The following SLC14A2 variants were observed in gnomAD, a reference collection of about 807,000 sequenced individuals.
SLC14A2 encodes the protein urea transporter 2.
In SLC14A2, 91 loss-of-function variants were observed where a neutral mutation model predicts 104.6. The ratio of observed to expected loss-of-function variants is 0.87; its 90% CI spans 0.73 to 1.04. The LOEUF (loss-of-function observed/expected upper bound fraction) is 1.04. Among genes scored for constraint, SLC14A2 ranks in the 50% least tolerant of loss-of-function variants. The probability of loss-of-function intolerance (pLI) is 0.00; values close to 1 mark genes in which losing one functional copy is unlikely to be tolerated. For missense variants in SLC14A2, 1,189 were observed against 1,156.0 expected, an observed-to-expected ratio of 1.03 and a Z score of -0.41; for synonymous variants, 476 against 466.4, an observed-to-expected ratio of 1.02 and a Z score of -0.27.
At chr18:45,214,046 A>AAG (rs2083985791) in intron 1 of SLC14A2, among the ~76,000 whole-genome samples, 1 of 152,232 alleles carries the variant, frequency 6.6e-6, no homozygotes, top group East Asian at 1.9e-4. Flanking sequence ...AAGGGTATGC[A>AAG]AGAGTGACAG....
At chr18:45,476,843 G>A (rs1446706899) in intron 1 of SLC14A2, among the ~76,000 whole-genome samples, 1 of 142,334 alleles carries the variant, frequency 7.0e-6, no homozygotes, top group South Asian at 2.3e-4. Flanking sequence ...GGTCATTGAT[G>A]TTCTTCTCTA....
chr18:45,243,933 T>C (rs2084343164), intron 1 of SLC14A2, among the ~76,000 whole-genome samples: 1 of 152,196 alleles, frequency 6.6e-6, no homozygotes, highest in South Asian at 2.1e-4. Context: ...CCAATCTGAT[T>C]GGCACAAGAG....
At chr18:45,199,219 T>G in the SLC14A2 span, among the ~76,000 whole-genome samples, 7 of 152,314 alleles carry the variant, frequency 4.6e-5, no homozygotes, top group South Asian at 1.5e-3. Flanking sequence ...GGGTTTATTT[T>G]TATTCCTTCT....
intron 1 of SLC14A2, among the ~76,000 whole-genome samples, chr18:45,216,088 A>T (rs886385620): frequency 6.6e-6 from 1 of 152,222 alleles, no homozygotes; most frequent in African/African-American, 2.4e-5. Context: ...AGAAAATAAA[A>T]GAATAAACTT....
chr18:45,625,367 G>T (rs1251536284), intron 2 of SLC14A2, among the ~76,000 whole-genome samples: 1 of 152,144 alleles, frequency 6.6e-6, no homozygotes, highest in Non-Finnish European at 1.5e-5. Context: ...TAATTGGCTT[G>T]GTTTGCCGTC....
At chr18:45,201,433 T>G in the SLC14A2 span, among the ~76,000 whole-genome samples, 2 of 152,152 alleles carry the variant, frequency 1.3e-5, no homozygotes, top group Non-Finnish European at 2.9e-5. Context: ...TATGGACTCA[T>G]GGATATTTAT....
At chr18:45,427,056 A>G (rs186510938) in intron 1 of SLC14A2, among the ~76,000 whole-genome samples, 1 of 152,248 alleles carries the variant, frequency 6.6e-6, no homozygotes, top group East Asian at 1.9e-4. Flanking sequence ...TATTTGACCC[A>G]GTTAACAGTG....
chr18:45,347,933 T>C (rs777323124), intron 1 of SLC14A2, among the ~76,000 whole-genome samples: 11 of 152,262 alleles, frequency 7.2e-5, no homozygotes, highest in African/African-American at 2.4e-5. Flanking sequence ...CAACCCACTT[T>C]ATCTATGTCC....
chr18:45,529,267 A>T (rs535439074), intron 2 of SLC14A2: 1 of 152,328 alleles, frequency 6.6e-6, no homozygotes, highest in East Asian at 1.9e-4. Flanking sequence ...TGTGCAGAAA[A>T]AATACTGTTT....
chr18:45,499,745 A>G (rs2043161195), intron 2 of SLC14A2, among the ~76,000 whole-genome samples: 1 of 152,182 alleles, frequency 6.6e-6, no homozygotes. Context: ...TGGGCACCAC[A>G]TTGTGATTTG....
At chr18:45,357,670 G>T (rs2085569279) in intron 1 of SLC14A2, among the ~76,000 whole-genome samples, 1 of 152,128 alleles carries the variant, frequency 6.6e-6, no homozygotes, top group Non-Finnish European at 1.5e-5. Flanking sequence ...GAGCCCCTCT[G>T]CAGCTTCAGG....
chr18:45,214,335 A>G (rs531452598), intron 1 of SLC14A2, among the ~76,000 whole-genome samples: 38 of 152,296 alleles, frequency 2.5e-4, no homozygotes, highest in African/African-American at 8.4e-4. Flanking sequence ...AGTGACGTGC[A>G]TTCTGTGTAT....
At chr18:45,621,019 C>T (rs576067980) in intron 1 of SLC14A2, among the ~76,000 whole-genome samples, 7 of 152,320 alleles carry the variant, frequency 4.6e-5, no homozygotes, top group Middle Eastern at 3.4e-3. Context: ...CTTTCCGGAA[C>T]ATATCTAGTT....
upstream of SLC14A2, among the ~76,000 whole-genome samples, chr18:45,208,937 A>T (rs2083937528): frequency 6.6e-6 from 1 of 151,634 alleles, no homozygotes; most frequent in Non-Finnish European, 1.5e-5. Context: ...AATAAGGAAC[A>T]TTGTCAGAAC....
intron 2 of SLC14A2, among the ~76,000 whole-genome samples, chr18:45,580,726 G>A (rs995980800): frequency 6.6e-6 from 1 of 152,164 alleles, no homozygotes; most frequent in African/African-American, 2.4e-5. Flanking sequence ...GCACAGGGAG[G>A]TCATATAACC....
In SLC14A2 at chr18:45,235,390, T is replaced by C. The variant is rs137964534; in HGVS notation, c.-125+22199T>C. On this transcript the variant is annotated intron_variant, in intron 1 of 20. Coordinates refer to the SLC14A2 transcript ENST00000586448. ...CAAACCAAGGTAATTAGAATATCCATCACTTCAAACATTTATTTCTTAGTG... is the reference window on the plus strand; with the variant it reads ...CAAACCAAGGTAATTAGAATATCCACCACTTCAAACATTTATTTCTTAGTG... 2.1e-3 allele frequency among the ~76,000 whole-genome samples: 313 copies of C among 152,308 alleles called. 2 individuals carry two copies. Among genetic ancestry groups the C allele is most frequent in the African/African-American group, 7.2e-3 (299 of 41,576 alleles).
At chr18:45,410,875 C>A (rs571913729) in intron 1 of SLC14A2, among the ~76,000 whole-genome samples, 21 of 152,168 alleles carry the variant, frequency 1.4e-4, no homozygotes, top group Non-Finnish European at 2.2e-4. Context: ...CTGTAGATGA[C>A]GTGATAGCAT....
intron 1 of SLC14A2, among the ~76,000 whole-genome samples, chr18:45,238,977 A>C (rs2144044359): frequency 6.6e-6 from 1 of 152,352 alleles, no homozygotes; most frequent in South Asian, 2.1e-4. Context: ...AAACAAAGAC[A>C]CTATTAGCAT....
chr18:45,337,448 CA>C (rs1209438909), intron 1 of SLC14A2, among the ~76,000 whole-genome samples: 1 of 152,130 alleles, frequency 6.6e-6, no homozygotes, highest in Non-Finnish European at 1.5e-5. Flanking sequence ...TATTAGCAGA[CA>C]AGTATGAAAA....
Sources: allele counts gnomAD v4.1 joint callset (sites outside exome capture counted in the v4.1 genomes callset), GRCh38; gene constraint gnomAD v4.1.1; transcripts MANE v1.5; gene names NCBI Gene and HGNC (gene_info 2026-07-23, HGNC 2026-07-21).